Variants in THBS2 observed in about 807,000 individuals in gnomAD.
THBS2 encodes thrombospondin-2.
A neutral mutation model predicts 135.2 loss-of-function variants in THBS2; 47 were observed. The observed-to-expected ratio is 0.35, with a 90% CI of 0.28 to 0.44. The LOEUF is 0.44. THBS2 is among the 20% of genes least tolerant of loss of function. The probability of loss-of-function intolerance (pLI) is 1.00; values close to 1 mark genes in which losing one functional copy is unlikely to be tolerated. For missense variants in THBS2, 1,288 were observed against 1,603.1 expected, an observed-to-expected ratio of 0.80 and a Z score of 3.36; for synonymous variants, 639 against 633.8, an observed-to-expected ratio of 1.01 and a Z score of -0.12.
rs943290304 is a variant in THBS2 at position 169,234,514 on chromosome 6, T to A, written c.1651+220A>T. On this transcript the variant is annotated intron_variant, in intron 10 of 21. Transcript: ENST00000617924. Reference sequence around the variant, plus strand: ...CACACCACATTCCACGCCACACAACTACCCACATTCCACAGGCCACGCCAC... The same window carrying A: ...CACACCACATTCCACGCCACACAACAACCCACATTCCACAGGCCACGCCAC... The A allele has an allele frequency of 2.3e-5, 12 of 513,576 alleles. No individual in the cohort carries two copies. In the South Asian group the frequency reaches 3.3e-4, roughly 14 times the overall value. The allele number at this position is 513,576 out of a possible 1,614,324, so 31.8% of individuals were successfully genotyped here.
At position 169,232,876 on chromosome 6, in the gene THBS2, G is replaced by A; in HGVS notation, c.1779+14C>T. 6.2e-7 allele frequency: 1 copy of A among 1,603,572 alleles called. No homozygotes were observed. On this transcript the variant is annotated intron_variant, in intron 11 of 21. Coordinates refer to ENST00000617924, the MANE Select transcript of THBS2 (RefSeq NM_003247.5). ...GACCTCAGGGCGCCCACAGCCCAGG[G>A]CGGGGTCACCCACCTCGTCCAGGTC...
rs112268743 is a variant in THBS2, at chr6:169,242,058, G to A, written c.695-100C>T. On this transcript the variant is annotated intron_variant, in intron 4 of 21. Transcript: ENST00000617924. ...GATGACCCGCCCTGGCTCCCGGAGC[G>A]GCCTGGTGCTGGGAGACACAAGGCG... is the stretch of plus-strand genomic sequence containing the variant. The A allele has an allele frequency of 3.3e-3, 4,552 of 1,364,464 alleles. 10 individuals carry two copies. The highest frequency in any genetic ancestry group is 4.0e-3 in the Non-Finnish European group (4,014 of 1,014,462). The allele number at this position is 1,364,464 out of a possible 1,614,324, so 84.5% of individuals were successfully genotyped here. A position where few individuals can be genotyped will look rare whatever the true frequency, so the allele number is the denominator to read the frequency against.
At position 169,217,636 on chromosome 6, in the gene THBS2, C is replaced by A. The variant is rs1583400631; in HGVS notation, c.*186G>T. 1.8e-6 allele frequency: 1 copy of A among 557,506 alleles called. No individual in the cohort carries two copies. The highest frequency in any genetic ancestry group is 3.1e-6 in the Non-Finnish European group (1 of 318,614). The allele number at this position is 557,506 out of a possible 1,614,324, so 34.5% of individuals were successfully genotyped here. On this transcript the variant is annotated 3_prime_UTR_variant, in exon 22 of 22. Transcript: ENST00000617924. ...GGGTTAGATGTTCATCTCTGAGTTC[C>A]ATTGATATTTATCCTCTGAAGGCAC...
intron 9 of THBS2, among the ~76,000 whole-genome samples, chr6:169,236,308 TC>T (rs1780062992): frequency 4.4e-5 from 3 of 68,390 alleles, no homozygotes; most frequent in Non-Finnish European, 5.6e-5. Flanking sequence ...CCACAGTCAC[TC>T]CCCATCCACA....
At position 169,226,150 on chromosome 6, in the gene THBS2, C is replaced by T. The variant is rs7452819; in HGVS notation, c.2538+30G>A. 20,603 of 1,587,914 alleles carry T rather than the reference C, an allele frequency of 0.013. 2,327 individuals carry two copies. In the African/African-American group the frequency reaches 0.24, roughly 19 times the overall value. The stretch of plus-strand genomic sequence containing the variant: ...CCCCGCGTCCCTCTGATGAGGACCT[C>T]CAACCCCGCCTGTCTGCGGCTGCCC... On this transcript the variant is annotated intron_variant, in intron 16 of 21. Transcript: ENST00000617924.
intron 1 of THBS2, among the ~76,000 whole-genome samples, chr6:169,251,249 C>T (rs11758161): frequency 0.15 from 22,872 of 152,106 alleles, 1,870 homozygotes; most frequent in East Asian, 0.23. Flanking sequence ...AATCTGTGAA[C>T]GCATTTTGTG....
chr6:169,235,447 C>T (rs1779998494), intron 9 of THBS2, among the ~76,000 whole-genome samples: 1 of 152,014 alleles, frequency 6.6e-6, no homozygotes, highest in Non-Finnish European at 1.5e-5. Flanking sequence ...TCCCATGAGG[C>T]GTGAGCACAG....
chr6:169,236,322 CACT>C (rs1562360003), intron 9 of THBS2, among the ~76,000 whole-genome samples: 16 of 110,726 alleles, frequency 1.4e-4, no homozygotes, highest in East Asian at 4.2e-4. Context: ...CATCCACACT[CACT>C]CCCCCATCCA....
In THBS2 at chr6:169,248,265, G is replaced by A. The variant is rs73046025; in HGVS notation, c.609+152C>T. 110,749 of 904,180 alleles carry A rather than the reference G, an allele frequency of 0.12. 7,799 individuals are homozygous for A. Among genetic ancestry groups the A allele is most frequent in the Non-Finnish European group, 0.14 (83,186 of 588,574 alleles). 56.0% of individuals were successfully genotyped at this position (904,180 alleles called of 1,614,324 possible). ...GTGCATGTGCATGTGGTGTGTGCAC[G>A]CATGTGTGTGAGCACATGCCGGGAT... On this transcript the variant is annotated intron_variant, in intron 3 of 21. Coordinates refer to ENST00000617924, the MANE Select transcript of THBS2 (RefSeq NM_003247.5).
chr6:169,227,025 G>A (rs905738744), intron 15 of THBS2, among the ~76,000 whole-genome samples: 9 of 152,170 alleles, frequency 5.9e-5, no homozygotes, highest in Admixed American at 1.3e-4. Context: ...ATGGGGAGCC[G>A]AGGAGCCCCC....
At chr6:169,224,579 C>T (rs1779552059) in intron 17 of THBS2, among the ~76,000 whole-genome samples, 1 of 152,224 alleles carries the variant, frequency 6.6e-6, no homozygotes, top group African/African-American at 2.4e-5. Context: ...CTCACAGCCT[C>T]CCCGGAAGCC....
chr6:169,228,771 A>G (rs1295660774), intron 14 of THBS2, among the ~76,000 whole-genome samples: 1 of 152,108 alleles, frequency 6.6e-6, no homozygotes, highest in Non-Finnish European at 1.5e-5. Context: ...TAAAAATACA[A>G]AAATGAGCCG....
chr6:169,245,646 G>A (rs535650091), intron 4 of THBS2, among the ~76,000 whole-genome samples: 28 of 152,008 alleles, frequency 1.8e-4, no homozygotes, highest in Non-Finnish European at 3.8e-4. Flanking sequence ...CAAAAAATTA[G>A]CTGGGTGTGG....
chr6:169,236,397 C>T (rs1166151251), intron 9 of THBS2, among the ~76,000 whole-genome samples: 1 of 134,046 alleles, frequency 7.5e-6, no homozygotes, highest in East Asian at 2.5e-4. Context: ...CCCATCCACA[C>T]TCATTCCCCC....
At chr6:169,247,735 C>A (rs1175812503) in intron 3 of THBS2, among the ~76,000 whole-genome samples, 3 of 151,602 alleles carry the variant, frequency 2.0e-5, no homozygotes, top group Non-Finnish European at 4.4e-5. Flanking sequence ...CATGTGCATG[C>A]ATGAGTGTGT....
Position 169,233,821 on chromosome 6 carries a change from C to T in THBS2, c.1652-804G>A, listed in dbSNP as rs548539127. On this transcript the variant is annotated intron_variant, in intron 10 of 21. Coordinates refer to ENST00000617924, the MANE Select transcript of THBS2 (RefSeq NM_003247.5). Reference sequence around the variant, plus strand: ...ACATTCCAGACCACACAACTGCCCACACACCACCTTCCACAACACACAACT... The same window carrying T: ...ACATTCCAGACCACACAACTGCCCATACACCACCTTCCACAACACACAACT... Among the ~76,000 whole-genome samples the T allele has an allele frequency of 6.7e-5, 10 of 149,310 alleles. No homozygotes were observed. The South Asian group carries it at 1.8e-3, about 26-fold the overall frequency.
At chr6:169,250,834 G>A (rs1258642793) in intron 1 of THBS2, 28 bp from the exon 2 acceptor site, 1 of 1,565,412 alleles carries the variant, frequency 6.4e-7, no homozygotes, top group East Asian at 2.3e-5. Context: ...CCTTGTTAGT[G>A]ATGAGTCCAC....
At position 169,225,290 on chromosome 6, in the gene THBS2, G is replaced by A; in HGVS notation, c.2628C>T (p.Cys876=). 1 of 1,600,448 alleles carries A rather than the reference G, an allele frequency of 6.2e-7. No homozygotes were observed. The highest frequency in any genetic ancestry group is 1.1e-5 in the South Asian group (1 of 89,554). The change falls in exon 17 of 22, where the codon TGC becomes TGT. Residue 876 remains cysteine, a synonymous_variant. Transcript: ENST00000617924. Reference sequence around the variant, plus strand: ...CCTGGTTGGCGTTGGAGATGTAGGGGCAGTTGTCCTGGTTGTTCTGGTGGC... The same window carrying A: ...CCTGGTTGGCGTTGGAGATGTAGGGACAGTTGTCCTGGTTGTTCTGGTGGC... ...DDGHQNNQDN[C]PYISNANQAD...
chr6:169,242,698 A>G, intron 4 of THBS2, among the ~76,000 whole-genome samples: 2 of 47,042 alleles, frequency 4.3e-5, no homozygotes, highest in Non-Finnish European at 9.2e-5. Context: ...CCATCTTCCC[A>G]CCTTCCCACC....
Sources: gnomAD v4.1 joint callset for allele counts (sites outside exome capture counted in the v4.1 genomes callset) on GRCh38, gnomAD v4.1.1 for gene constraint, MANE v1.5 for transcripts, NCBI Gene and HGNC (gene_info 2026-07-23, HGNC 2026-07-21) for gene names.